CYRIA: variants seen among roughly 807,000 people sequenced by gnomAD.
The protein encoded by CYRIA is CYFIP-related Rac1 interactor A.
In CYRIA, 15 loss-of-function variants were observed where a neutral mutation model predicts 43.9. The observed-to-expected ratio is 0.34, with a 90% CI of 0.23 to 0.53. CYRIA has a LOEUF of 0.53. CYRIA is among the 20% of genes least tolerant of loss of function. The probability of loss-of-function intolerance (pLI) is 0.94; values close to 1 mark genes in which losing one functional copy is unlikely to be tolerated. For synonymous variants in CYRIA, 117 were observed against 136.0 expected (o/e 0.86, Z 0.97); for missense variants, 236 against 394.2 (o/e 0.60, Z 3.40).
Position 16,588,034 on chromosome 2 carries a change from A to C in CYRIA, c.70+16T>G. ...AATGTAAAAAAGTTTCCATTATTAT[A>C]ATTTTTGGAACTTACTTTCAAAATC... On this transcript the variant is annotated intron_variant, in intron 3 of 11. Coordinates refer to ENST00000381323, the MANE Select transcript of CYRIA (RefSeq NM_030797.4). 1 of 1,544,354 alleles carries C rather than the reference A, an allele frequency of 6.5e-7. No individual in the cohort carries two copies. Among genetic ancestry groups the C allele is most frequent in the South Asian group, 1.2e-5 (1 of 86,764 alleles).
chr2:16,626,870 A>G (rs1424017255), intron 1 of CYRIA, among the ~76,000 whole-genome samples: 1 of 152,138 alleles, frequency 6.6e-6, no homozygotes. Flanking sequence ...CAACACAATC[A>G]GGAGTTTGCC....
chr2:16,654,582 C>A (rs1413352170), intron 1 of CYRIA, among the ~76,000 whole-genome samples: 3 of 152,172 alleles, frequency 2.0e-5, no homozygotes, highest in Non-Finnish European at 2.9e-5. Context: ...AGGCCGACTT[C>A]AACCAAATCC....
At chr2:16,602,321 C>T (rs1429281134) in intron 2 of CYRIA, among the ~76,000 whole-genome samples, 1 of 152,108 alleles carries the variant, frequency 6.6e-6, no homozygotes, top group African/African-American at 2.4e-5. Context: ...ACTCAGATTG[C>T]CTATAACAAC....
chr2:16,560,167 C>CT (rs1239166291), intron 9 of CYRIA, among the ~76,000 whole-genome samples: 4 of 152,102 alleles, frequency 2.6e-5, no homozygotes, highest in Admixed American at 2.6e-4. Context: ...ATTCTAGAGG[C>CT]TTTTTTCCTA....
intron 3 of CYRIA, among the ~76,000 whole-genome samples, chr2:16,570,812 T>C (rs1667104278): frequency 6.6e-6 from 1 of 152,128 alleles, no homozygotes; most frequent in African/African-American, 2.4e-5. Context: ...TGAAAATGGG[T>C]CCTTATTTCT....
At chr2:16,609,754 A>T (rs968998303) in intron 2 of CYRIA, among the ~76,000 whole-genome samples, 1 of 151,970 alleles carries the variant, frequency 6.6e-6, no homozygotes, top group Non-Finnish European at 1.5e-5. Flanking sequence ...ATCTTCCATG[A>T]CTCCCCTGTC....
intron 3 of CYRIA, among the ~76,000 whole-genome samples, chr2:16,568,249 A>C (rs998389227): frequency 1.2e-4 from 18 of 144,548 alleles, no homozygotes; most frequent in East Asian, 4.0e-4. Flanking sequence ...AAAAAAAAAA[A>C]CCCAAATCTG....
intron 2 of CYRIA, among the ~76,000 whole-genome samples, chr2:16,602,449 G>C (rs1270092453): frequency 6.6e-6 from 1 of 151,864 alleles, no homozygotes; most frequent in Non-Finnish European, 1.5e-5. Flanking sequence ...TCACATCTTT[G>C]TCAAAGATGT....
chr2:16,576,206 T>C (rs1390816045), intron 3 of CYRIA, among the ~76,000 whole-genome samples: 2 of 152,136 alleles, frequency 1.3e-5, no homozygotes, highest in Non-Finnish European at 2.9e-5. Flanking sequence ...GAGGACAGGA[T>C]CATTAGATTC....
In CYRIA at chr2:16,615,909, C is replaced by T. The variant is rs527452073; in HGVS notation, c.-11+7955G>A. On this transcript the variant is annotated intron_variant, in intron 2 of 11. Coordinates refer to ENST00000381323, the MANE Select transcript of CYRIA (RefSeq NM_030797.4). ...GTGCAGACAGGACACAGGGCAGGCG[C>T]CCTCCACAGGCCCAGGGTTGGCATG... Among the ~76,000 whole-genome samples the T allele has an allele frequency of 3.9e-5, 6 of 152,352 alleles. No individual in the cohort carries two copies. The South Asian group carries it at 1.0e-3, about 26-fold the overall frequency.
chr2:16,561,289 A>T lies in CYRIA; in HGVS notation c.514-12T>A. The stretch of plus-strand genomic sequence containing the variant: ...TTCTCAATGTCTAGCTGATGAAAAT[A>T]AGAAGAGAAGATGGATTTATAAAGA... On this transcript the variant is annotated splice_polypyrimidine_tract_variant and intron_variant, in intron 7 of 11. Transcript: ENST00000381323. 1 of 1,581,470 alleles carries T rather than the reference A, an allele frequency of 6.3e-7. No homozygotes were observed.
chr2:16,662,996 T>C (rs969084503), intron 1 of CYRIA, among the ~76,000 whole-genome samples: 7 of 152,252 alleles, frequency 4.6e-5, no homozygotes, highest in African/African-American at 1.7e-4. Flanking sequence ...AAATGTAAGA[T>C]ACATAAATAA....
chr2:16,602,964 T>G (rs1457701352), intron 2 of CYRIA, among the ~76,000 whole-genome samples: 2 of 152,178 alleles, frequency 1.3e-5, no homozygotes, highest in Non-Finnish European at 2.9e-5. Flanking sequence ...AGCTTGCCAG[T>G]ATCCTGCAAA....
chr2:16,589,039 A>G (rs1485271350), intron 2 of CYRIA, among the ~76,000 whole-genome samples: 2 of 152,096 alleles, frequency 1.3e-5, no homozygotes, highest in Non-Finnish European at 2.9e-5. Context: ...TAGACATTAA[A>G]CTATCTTTTT....
At chr2:16,593,207 T>C (rs188938221) in intron 2 of CYRIA, among the ~76,000 whole-genome samples, 49 of 152,318 alleles carry the variant, frequency 3.2e-4, no homozygotes, top group African/African-American at 1.1e-3. Context: ...CCCAGCATCA[T>C]ATGATTCCAT....
At chr2:16,554,644 C>CA (rs1326574765) in intron 11 of CYRIA, among the ~76,000 whole-genome samples, 2 of 152,276 alleles carry the variant, frequency 1.3e-5, no homozygotes, top group African/African-American at 4.8e-5. Context: ...CAGAATCACA[C>CA]AGAGTGTTTT....
intron 1 of CYRIA, among the ~76,000 whole-genome samples, chr2:16,637,561 T>C (rs1669535987): frequency 6.6e-6 from 1 of 152,212 alleles, no homozygotes; most frequent in African/African-American, 2.4e-5. Flanking sequence ...TGTATTTCTG[T>C]TATTTAAGTA....
chr2:16,583,846 C>A (rs1265682822), intron 3 of CYRIA, among the ~76,000 whole-genome samples: 1 of 152,106 alleles, frequency 6.6e-6, no homozygotes, highest in Non-Finnish European at 1.5e-5. Context: ...AATGTGAATA[C>A]AAAGTATATA....
chr2:16,663,300 A>G (rs1670310441), intron 1 of CYRIA, among the ~76,000 whole-genome samples: 1 of 152,228 alleles, frequency 6.6e-6, no homozygotes, highest in African/African-American at 2.4e-5. Flanking sequence ...AACTGAGGCT[A>G]TATGAGTGAA....
Sources: gnomAD v4.1 joint callset for allele counts (sites outside exome capture counted in the v4.1 genomes callset) on GRCh38, gnomAD v4.1.1 for gene constraint, MANE v1.5 for transcripts, NCBI Gene and HGNC (gene_info 2026-07-23, HGNC 2026-07-21) for gene names.